Variants in ENAH observed in about 807,000 individuals in gnomAD.
ENAH encodes ENAH actin regulator.
In ENAH, 23 loss-of-function variants were observed where a neutral mutation model predicts 78.7. The ratio of observed to expected loss-of-function variants is 0.29; its 90% CI spans 0.21 to 0.41. ENAH has a LOEUF of 0.41. ENAH is among the 10% of genes least tolerant of loss of function. The probability of loss-of-function intolerance (pLI) is 1.00; values close to 1 mark genes in which losing one functional copy is unlikely to be tolerated. For missense variants in ENAH, 544 were observed against 691.0 expected (o/e 0.79, Z 2.39); for synonymous variants, 226 against 241.0 (o/e 0.94, Z 0.58).
rs2096236901 is a variant in ENAH at position 225,494,064 on chromosome 1, C to CGAAAA, written c.*3710_*3711insTTTTC. On this transcript the variant is annotated 3_prime_UTR_variant, in exon 14 of 14. Transcript: ENST00000366843. The stretch of plus-strand genomic sequence containing the variant: ...AGCAAGAACATGAGACAGGCTAGAG[C>CGAAAA]AAAAAAAAAAAAAAAAAAACAGCTG... 2 of 73,160 alleles carry CGAAAA rather than the reference C, an allele frequency of 2.7e-5. No homozygotes were observed. The highest frequency in any genetic ancestry group is 4.9e-5 in the Non-Finnish European group (2 of 41,096). The allele number at this position is 73,160 out of a possible 1,614,324, so 4.5% of individuals were successfully genotyped here. A position where few individuals can be genotyped will look rare whatever the true frequency, so the allele number is the denominator to read the frequency against.
chr1:225,548,297 G>A (rs1227661556), intron 3 of ENAH, among the ~76,000 whole-genome samples: 1 of 147,964 alleles, frequency 6.8e-6, no homozygotes, highest in Non-Finnish European at 1.5e-5. Flanking sequence ...ATGATATCCT[G>A]ACATAAATAT....
At chr1:225,499,153 TTAAG>T (rs758778444) in intron 12 of ENAH, among the ~76,000 whole-genome samples, 1 of 150,774 alleles carries the variant, frequency 6.6e-6, no homozygotes, top group Non-Finnish European at 1.5e-5. Context: ...CTTTAAATAA[TTAAG>T]TTTTAAAATT....
At chr1:225,628,648 C>T (rs923539940) in intron 1 of ENAH, among the ~76,000 whole-genome samples, 1 of 152,018 alleles carries the variant, frequency 6.6e-6, no homozygotes, top group Non-Finnish European at 1.5e-5. Context: ...CAGTGGCTCA[C>T]GCCTGGAATC....
Position 225,488,378 on chromosome 1 carries a change from C to T in ENAH, c.*9397G>A, listed in dbSNP as rs1477199655. The T allele has an allele frequency of 1.3e-5, 2 of 152,162 alleles. No individual in the cohort carries two copies. The highest frequency in any genetic ancestry group is 1.3e-4 in the Admixed American group (2 of 15,266). 9.4% of individuals were successfully genotyped at this position (152,162 alleles called of 1,614,324 possible). ...CAACAGAAAGCTTCCAATGAGAACT[C>T]AGAAGGCATTCACTCTGCCTGAAGT... On this transcript the variant is annotated 3_prime_UTR_variant, in exon 14 of 14. Transcript: ENST00000366843.
intron 10 of ENAH, among the ~76,000 whole-genome samples, chr1:225,511,197 TAG>T (rs2096374614): frequency 6.6e-6 from 1 of 152,206 alleles, no homozygotes; most frequent in South Asian, 2.1e-4. Flanking sequence ...AGGAGTTCAA[TAG>T]ATAGTCCAGC....
intron 1 of ENAH, among the ~76,000 whole-genome samples, chr1:225,611,368 G>C (rs1248436780): frequency 6.6e-6 from 1 of 151,938 alleles, no homozygotes; most frequent in East Asian, 1.9e-4. Context: ...GCCCAGGCTG[G>C]GGTGCAGTGG....
At chr1:225,608,220 G>GAAAAAAAAAAAAAAAAAAAAAAAA (rs60998592) in intron 1 of ENAH, among the ~76,000 whole-genome samples, 2 of 91,298 alleles carry the variant, frequency 2.2e-5, no homozygotes, top group African/African-American at 4.3e-5. Flanking sequence ...ATAAAAAACA[G>GAAAAAAAAAAAAAAAAAAAAAAAA]AAAAAAAAAA....
At chr1:225,632,429 C>T (rs1225283393) in intron 1 of ENAH, among the ~76,000 whole-genome samples, 1 of 148,760 alleles carries the variant, frequency 6.7e-6, no homozygotes, top group Non-Finnish European at 1.5e-5. Context: ...ACCTAGGAGG[C>T]GGAGGCTGCA....
chr1:225,597,511 G>T (rs2096907444), intron 1 of ENAH, among the ~76,000 whole-genome samples: 1 of 151,928 alleles, frequency 6.6e-6, no homozygotes, highest in African/African-American at 2.4e-5. Context: ...TTAAAAATTA[G>T]CTGGGCATGG....
rs977778164 is a variant in ENAH at position 225,494,180 on chromosome 1, G to C, written c.*3595C>G. ...ACGAGAAGTGGAGAGGAGAATGGAG[G>C]GGGGAAGGGGAAAATTTGGGTCTGG... On this transcript the variant is annotated 3_prime_UTR_variant, in exon 14 of 14. Coordinates refer to ENST00000366843, the MANE Select transcript of ENAH (RefSeq NM_018212.6). The C allele has an allele frequency of 6.6e-5, 10 of 151,696 alleles. No homozygotes were observed. The highest frequency in any genetic ancestry group is 3.9e-4 in the Admixed American group (6 of 15,190). The allele number at this position is 151,696 out of a possible 1,614,324, so 9.4% of individuals were successfully genotyped here.
chr1:225,490,620 C>T lies in ENAH; in HGVS notation c.*7155G>A, dbSNP rs1367002749. ...ACTTAAAATGATCAAGCCCAAAGTACCTCTGGGAAGGACACCAAATTGTAA... is the reference window on the plus strand; with the variant it reads ...ACTTAAAATGATCAAGCCCAAAGTATCTCTGGGAAGGACACCAAATTGTAA... On this transcript the variant is annotated 3_prime_UTR_variant, in exon 14 of 14. Coordinates refer to ENST00000366843, the MANE Select transcript of ENAH (RefSeq NM_018212.6). 2 of 152,076 alleles carry T rather than the reference C, an allele frequency of 1.3e-5. No individual in the cohort carries two copies. The highest frequency in any genetic ancestry group is 4.8e-5 in the African/African-American group (2 of 41,386). 9.4% of individuals were successfully genotyped at this position (152,076 alleles called of 1,614,324 possible).
intron 1 of ENAH, among the ~76,000 whole-genome samples, chr1:225,646,802 TAAAAATA>T (rs1455763234): frequency 6.6e-6 from 1 of 150,860 alleles, no homozygotes; most frequent in Admixed American, 6.6e-5. Context: ...AATTAATAAA[TAAAAATA>T]AAAAATAATT....
At chr1:225,522,603 G>A (rs920747721) in intron 4 of ENAH, among the ~76,000 whole-genome samples, 1 of 152,124 alleles carries the variant, frequency 6.6e-6, no homozygotes, top group Non-Finnish European at 1.5e-5. Context: ...TCAAAAGAAT[G>A]TTTTTAATAA....
Position 225,492,724 on chromosome 1 carries a change from G to GT in ENAH, c.*5050dup, listed in dbSNP as rs1287496150. 1 of 152,242 alleles carries GT rather than the reference G, an allele frequency of 6.6e-6. No individual in the cohort carries two copies. Among genetic ancestry groups the GT allele is most frequent in the Admixed American group, 6.5e-5 (1 of 15,290 alleles). The allele number at this position is 152,242 out of a possible 1,614,324, so 9.4% of individuals were successfully genotyped here. A position where few individuals can be genotyped will look rare whatever the true frequency, so the allele number is the denominator to read the frequency against. The stretch of plus-strand genomic sequence containing the variant: ...TTTAGAAGGTTGTGTGCATCACAGA[G>GT]TATCTGTAACGGGGACAGTCCTATT... On this transcript the variant is annotated 3_prime_UTR_variant, in exon 14 of 14. Transcript: ENST00000366843.
chr1:225,547,221 A>G (rs1216841550), intron 3 of ENAH, among the ~76,000 whole-genome samples: 1 of 151,788 alleles, frequency 6.6e-6, no homozygotes, highest in Non-Finnish European at 1.5e-5. Context: ...ACAGGTGCGC[A>G]CCACCATGCC....
intron 12 of ENAH, among the ~76,000 whole-genome samples, chr1:225,500,276 C>T (rs913279199): frequency 1.3e-5 from 2 of 152,168 alleles, no homozygotes; most frequent in Non-Finnish European, 2.9e-5. Flanking sequence ...ACAATCTTAT[C>T]ACTTACTACT....
chr1:225,606,842 CAAAAAAA>C (rs59168194), intron 1 of ENAH, among the ~76,000 whole-genome samples: 137 of 49,046 alleles, frequency 2.8e-3, no homozygotes, highest in East Asian at 0.014. Context: ...GACTCTGTCT[CAAAAAAA>C]AAAAAAAAAA....
At chr1:225,544,545 A>G (rs1233374673) in intron 3 of ENAH, among the ~76,000 whole-genome samples, 2 of 152,214 alleles carry the variant, frequency 1.3e-5, no homozygotes, top group Non-Finnish European at 2.9e-5. Context: ...ATAACTTGCT[A>G]TGAGACATGA....
At chr1:225,555,662 C>G (rs374472589) in intron 2 of ENAH, among the ~76,000 whole-genome samples, 2 of 151,846 alleles carry the variant, frequency 1.3e-5, no homozygotes, top group Non-Finnish European at 2.9e-5. Flanking sequence ...TGAAGTTTTA[C>G]AAATACAAAA....
Sources: allele counts gnomAD v4.1 joint callset (sites outside exome capture counted in the v4.1 genomes callset), GRCh38; gene constraint gnomAD v4.1.1; transcripts MANE v1.5; gene names NCBI Gene and HGNC (gene_info 2026-07-23, HGNC 2026-07-21).